JAK1: variants seen among roughly 807,000 people sequenced by gnomAD.
JAK1 encodes Janus kinase 1.
A neutral mutation model predicts 136.6 loss-of-function variants in JAK1; 16 were observed. That is an observed-to-expected ratio of 0.12 (90% CI 0.08 to 0.18). The LOEUF (loss-of-function observed/expected upper bound fraction) is 0.18. Among genes scored for constraint, JAK1 ranks in the 10% least tolerant of loss-of-function variants. The probability of loss-of-function intolerance (pLI) is 1.00; values close to 1 mark genes in which losing one functional copy is unlikely to be tolerated. For synonymous variants in JAK1, 492 were observed against 519.5 expected (o/e 0.95, Z 0.72); for missense variants, 859 against 1,450.1 (o/e 0.59, Z 6.62).
intron 1 of JAK1, among the ~76,000 whole-genome samples, chr1:64,915,407 C>G (rs1176150576): frequency 6.6e-6 from 1 of 152,090 alleles, no homozygotes; most frequent in Non-Finnish European, 1.5e-5. Context: ...AGCTGATAAC[C>G]AAATTAACGT....
At chr1:65,002,522 T>C (rs1170390123) in intron 2 of JAK1, 4 of 152,302 alleles carry the variant, frequency 2.6e-5, no homozygotes, top group Admixed American at 2.6e-4. Context: ...ATCACAAGGA[T>C]AGTGACATAA....
chr1:64,913,702 A>AGG (rs1377245956), intron 1 of JAK1, among the ~76,000 whole-genome samples: 395 of 25,794 alleles, frequency 0.015, 2 homozygotes, highest in South Asian at 0.017. Context: ...GAAGGAAGGA[A>AGG]AGAAGGGAGG....
chr1:64,850,757 G>A, intron 12 of JAK1, 47 bp downstream of exon 12: 2 of 1,269,956 alleles, frequency 1.6e-6, no homozygotes, highest in South Asian at 1.2e-5. Flanking sequence ...GCTCCATCGT[G>A]GGGAGGCAGG....
At chr1:64,864,722 CG>C in intron 8 of JAK1, 64 bp downstream of exon 8, 1 of 1,251,050 alleles carries the variant, frequency 8.0e-7, no homozygotes, top group Non-Finnish European at 1.1e-6. Context: ...TGCTGCAGAA[CG>C]GAACTCAGCA....
Position 65,061,604 on chromosome 1 carries a change from T to C in JAK1, c.-181+6000A>G, listed in dbSNP as rs1422456859. ...TATTTAAATCCACTGGTCTTTTAAC[T>C]AGTGTGATTTGTTTTCCAATTTGAA... On this transcript the variant is annotated intron_variant, in intron 1 of 25. Transcript: ENST00000671954. Among the ~76,000 whole-genome samples the C allele has an allele frequency of 3.3e-5, 5 of 152,218 alleles. No homozygotes were observed. The East Asian group carries it at 7.7e-4, about 23-fold the overall frequency.
At position 64,947,270 on chromosome 1, in the gene JAK1, A is replaced by T. The variant is rs530103663; in HGVS notation, c.-78+19063T>A. On this transcript the variant is annotated intron_variant, in intron 1 of 24. Coordinates refer to ENST00000342505, the MANE Select transcript of JAK1 (RefSeq NM_002227.4). ...CTGCCAGTTCAATATATTACAGCTG[A>T]CATCTGTTTTTATCTCTCTAGAAAC... 2.3e-4 allele frequency among the ~76,000 whole-genome samples: 35 copies of T among 152,284 alleles called. 1 individual carries two copies. In the South Asian group the frequency reaches 7.1e-3, roughly 31 times the overall value.
intron 3 of JAK1, among the ~76,000 whole-genome samples, chr1:64,881,507 G>A (rs551237887): frequency 4.6e-5 from 7 of 151,962 alleles, no homozygotes; most frequent in Non-Finnish European, 5.9e-5. Context: ...TGAAAAACAG[G>A]AAAGAAAACA....
intron 20 of JAK1, among the ~76,000 whole-genome samples, chr1:64,839,303 A>G (rs988893165): frequency 3.9e-5 from 6 of 152,250 alleles, no homozygotes; most frequent in African/African-American, 1.4e-4. Context: ...GTATTGGATC[A>G]GAACAGGAAG....
At chr1:64,903,085 G>A (rs559582029) in intron 1 of JAK1, among the ~76,000 whole-genome samples, 1 of 152,260 alleles carries the variant, frequency 6.6e-6, no homozygotes, top group Non-Finnish European at 1.5e-5. Flanking sequence ...GGAGTGCAAT[G>A]GCATGATCTC....
At chr1:64,864,072 C>T (rs1656538698) in intron 8 of JAK1, among the ~76,000 whole-genome samples, 1 of 152,210 alleles carries the variant, frequency 6.6e-6, no homozygotes, top group South Asian at 2.1e-4. Flanking sequence ...TCACCAGGCT[C>T]TTCCTCAGCA....
At chr1:65,045,719 C>T (rs1647177672) in intron 1 of JAK1, among the ~76,000 whole-genome samples, 1 of 152,164 alleles carries the variant, frequency 6.6e-6, no homozygotes, top group South Asian at 2.1e-4. Flanking sequence ...TTTCTCTTTC[C>T]CCTCTTCACA....
At chr1:64,935,793 G>C (rs1473344013) in intron 1 of JAK1, among the ~76,000 whole-genome samples, 1 of 152,208 alleles carries the variant, frequency 6.6e-6, no homozygotes, top group East Asian at 1.9e-4. Flanking sequence ...GAGAAGAAAA[G>C]GGAAAGTCCC....
chr1:64,938,066 G>A (rs910542440), intron 1 of JAK1, among the ~76,000 whole-genome samples: 7 of 151,922 alleles, frequency 4.6e-5, no homozygotes, highest in Admixed American at 2.0e-4. Flanking sequence ...TTTTTCAGTA[G>A]AGACGGGGTT....
intron 1 of JAK1, among the ~76,000 whole-genome samples, chr1:64,935,238 A>G (rs1645767382): frequency 6.6e-6 from 1 of 152,216 alleles, no homozygotes; most frequent in African/African-American, 2.4e-5. Flanking sequence ...TAAAAGAAAT[A>G]TTTCTGACCC....
intron 2 of JAK1, among the ~76,000 whole-genome samples, chr1:65,031,963 T>C (rs1647027475): frequency 2.4e-5 from 3 of 122,518 alleles, no homozygotes; most frequent in Admixed American, 2.0e-4. Context: ...TTCTTTTTCT[T>C]TTTTTTTTTT....
At chr1:64,856,627 T>C (rs764100164) in intron 10 of JAK1, among the ~76,000 whole-genome samples, 11 of 152,156 alleles carry the variant, frequency 7.2e-5, no homozygotes, top group Non-Finnish European at 1.6e-4. Flanking sequence ...CGTAAACACA[T>C]TAAACTTCCT....
chr1:64,838,449 T>G lies in JAK1; in HGVS notation c.2967+16A>C. On this transcript the variant is annotated intron_variant, in intron 21 of 24. Transcript: ENST00000342505. ...CCTGATGTCTTAATCTGTAACATGATGTCTTTATTTTTTACCTTACAAATC... is the reference window on the plus strand; with the variant it reads ...CCTGATGTCTTAATCTGTAACATGAGGTCTTTATTTTTTACCTTACAAATC... 1 of 1,613,144 alleles carries G rather than the reference T, an allele frequency of 6.2e-7. No individual in the cohort carries two copies. The highest frequency in any genetic ancestry group is 1.1e-5 in the South Asian group (1 of 90,992).
chr1:64,912,663 A>T (rs1186381656), intron 1 of JAK1, among the ~76,000 whole-genome samples: 2 of 152,170 alleles, frequency 1.3e-5, no homozygotes, highest in Non-Finnish European at 2.9e-5. Flanking sequence ...TCTCATCCCC[A>T]TTTTACATTC....
Position 64,980,593 on chromosome 1 carries a change from C to CTT in JAK1, c.-78+63885_-78+63886dup, listed in dbSNP as rs917195942. ...AACTCTTTTTTTATATATATATATACTTTAAGTTTTAGGGTACATGTGCAC... is the reference window on the plus strand; with the variant it reads ...AACTCTTTTTTTATATATATATATACTTTTTAAGTTTTAGGGTACATGTGCAC... On this transcript the variant is annotated intron_variant, in intron 2 of 25. Transcript: ENST00000671954. 1.5e-3 allele frequency among the ~76,000 whole-genome samples: 220 copies of CTT among 149,740 alleles called. 1 individual carries two copies. The highest frequency in any genetic ancestry group is 5.3e-3 in the African/African-American group (213 of 40,524).
Sources: gnomAD v4.1 joint callset for allele counts (sites outside exome capture counted in the v4.1 genomes callset) on GRCh38, gnomAD v4.1.1 for gene constraint, MANE v1.5 for transcripts, NCBI Gene and HGNC (gene_info 2026-07-23, HGNC 2026-07-21) for gene names.